The following VBP1 variants were observed in gnomAD, a reference collection of about 807,000 sequenced individuals.
VBP1 encodes VHL binding protein 1.
In VBP1, 4 loss-of-function variants were observed where a neutral mutation model predicts 15.5. That is an observed-to-expected ratio of 0.26 (90% CI 0.13 to 0.59). The LOEUF (loss-of-function observed/expected upper bound fraction) is 0.59, where lower values mean the gene tolerates loss of function less well. Ranked by LOEUF, VBP1 falls within the 20% of genes least tolerant of loss-of-function variation. The pLI, the probability that VBP1 is intolerant of heterozygous loss-of-function variation, is 0.90. For missense variants in VBP1, 108 were observed against 139.6 expected (o/e 0.77, Z 1.14); for synonymous variants, 61 against 52.1 (o/e 1.17, Z -0.74).
chrX:155,200,993 T>TAACTAG (rs2124032350), intron 1 of VBP1, among the ~76,000 whole-genome samples: 1 of 111,132 alleles, frequency 9.0e-6, no homozygotes, highest in East Asian at 2.8e-4. Context: ...TCTGCGCAAA[T>TAACTAG]AAACTAGAAA....
intron 2 of VBP1, among the ~76,000 whole-genome samples, chrX:155,222,148 G>A (rs1319486127): frequency 8.9e-6 from 1 of 112,594 alleles, no homozygotes; most frequent in Non-Finnish European, 1.9e-5. Flanking sequence ...TAAAGCCATT[G>A]GATTTGAGAT....
chrX:155,224,203 G>C (rs1192762867), intron 2 of VBP1, among the ~76,000 whole-genome samples: 2 of 112,864 alleles, frequency 1.8e-5, no homozygotes, highest in Admixed American at 9.3e-5. Context: ...ATGGGGTGGC[G>C]GCCGGGCAGA....
chrX:155,233,988 A>G (rs2074758657), intron 4 of VBP1, among the ~76,000 whole-genome samples: 1 of 110,984 alleles, frequency 9.0e-6, no homozygotes, highest in African/African-American at 3.3e-5. Context: ...AGTAGGATAT[A>G]GCTAACCTGC....
intron 2 of VBP1, among the ~76,000 whole-genome samples, chrX:155,222,252 G>A (rs1469696235): frequency 8.9e-6 from 1 of 112,553 alleles, no homozygotes; most frequent in Non-Finnish European, 1.9e-5. Flanking sequence ...GGGAGGCCAA[G>A]GTGGGCGGAT....
At chrX:155,224,207 G>A (rs781997256) in intron 2 of VBP1, among the ~76,000 whole-genome samples, 1,459 of 112,354 alleles carry the variant, frequency 0.013, 38 homozygotes, top group African/African-American at 0.045. Context: ...GGTGGCGGCC[G>A]GGCAGAGGCT....
chrX:155,228,536 G>T (rs1490620707), intron 4 of VBP1, 54 bp downstream of exon 4: 1 of 989,051 alleles, frequency 1.0e-6, no homozygotes, highest in African/African-American at 1.9e-5. Context: ...TGTGTTTTCT[G>T]TAGCAAACAC....
chrX:155,220,451 G>A, intron 2 of VBP1, 144 bp downstream of exon 2: 1 of 451,366 alleles, frequency 2.2e-6, no homozygotes, highest in Non-Finnish European at 3.4e-6. Context: ...ATTCCCACCA[G>A]CAACGTACAA....
rs782572600 is a variant in VBP1 at position 155,223,353 on chromosome X, C to A, written c.218+3046C>A. Among the ~76,000 whole-genome samples, 39 of 108,307 alleles carry A rather than the reference C, an allele frequency of 3.6e-4. No homozygotes were observed. In the South Asian group the frequency reaches 0.016, roughly 44 times the overall value. 94.1% of individuals were successfully genotyped at this position (108,307 alleles called of 115,157 possible). A position where few individuals can be genotyped will look rare whatever the true frequency, so the allele number is the denominator to read the frequency against. ...AGGCAGAGGGCCCTGCCGCCTTCCGCAGTGTTTGTGTCCCTGGGTACTTGA... is the reference window on the plus strand; with the variant it reads ...AGGCAGAGGGCCCTGCCGCCTTCCGAAGTGTTTGTGTCCCTGGGTACTTGA... On this transcript the variant is annotated intron_variant, in intron 2 of 5. Coordinates refer to ENST00000286428, the MANE Select transcript of VBP1 (RefSeq NM_003372.7).
chrX:155,198,514 T>A (rs1236635714), intron 1 of VBP1, among the ~76,000 whole-genome samples: 6 of 111,682 alleles, frequency 5.4e-5, no homozygotes, highest in African/African-American at 1.9e-4. Context: ...GGAGTGGACC[T>A]CTAGCAAACT....
intron 1 of VBP1, among the ~76,000 whole-genome samples, chrX:155,219,064 A>G (rs2074677535): frequency 8.9e-6 from 1 of 111,994 alleles, no homozygotes; most frequent in African/African-American, 3.2e-5. Context: ...TCACCTTTTC[A>G]ATTTCCTTTA....
chrX:155,216,625 C>G, intron 1 of VBP1, 50 bp downstream of exon 1: 1 of 1,159,268 alleles, frequency 8.6e-7, no homozygotes, highest in Middle Eastern at 2.4e-4. Flanking sequence ...CTTGGACTGC[C>G]CCTTTCTTCC....
upstream of VBP1, among the ~76,000 whole-genome samples, chrX:155,215,804 G>C (rs1474744726): frequency 8.9e-6 from 1 of 112,205 alleles, no homozygotes; most frequent in Non-Finnish European, 1.9e-5. Context: ...CATTGGGTAA[G>C]TCCATGGGCC....
chrX:155,204,221 C>T (rs1285758237), intron 1 of VBP1, among the ~76,000 whole-genome samples: 1 of 111,006 alleles, frequency 9.0e-6, no homozygotes, highest in Non-Finnish European at 1.9e-5. Flanking sequence ...GGCACGATGT[C>T]GGTTCACTGC....
intron 1 of VBP1, among the ~76,000 whole-genome samples, chrX:155,203,203 G>A (rs1415938381): frequency 1.8e-5 from 2 of 111,124 alleles, no homozygotes; most frequent in Non-Finnish European, 3.8e-5. Flanking sequence ...TCAGTGTGGC[G>A]ATTCCTCAGG....
chrX:155,235,957 CT>C (rs1433507172), intron 4 of VBP1, among the ~76,000 whole-genome samples: 1 of 112,218 alleles, frequency 8.9e-6, no homozygotes, highest in Non-Finnish European at 1.9e-5. Context: ...TAAATATATT[CT>C]TTAACCAAGG....
chrX:155,199,583 T>A (rs1374084536), intron 1 of VBP1, among the ~76,000 whole-genome samples: 1 of 111,693 alleles, frequency 9.0e-6, no homozygotes, highest in South Asian at 3.8e-4. Flanking sequence ...CCACCAGGCC[T>A]GCCCTAAAAG....
chrX:155,216,504 T>G lies in VBP1; in HGVS notation c.22T>G (p.Cys8Gly). 8.5e-7 allele frequency: 1 copy of G among 1,170,582 alleles called. No individual in the cohort carries two copies. The highest frequency in any genetic ancestry group is 1.1e-6 in the Non-Finnish European group (1 of 874,151). MAAVKDS[C>G]GKGEMATGNG... ...CAAGATGGCGGCCGTTAAGGACAGT[T>G]GTGGCAAAGGAGAAATGGCCACAGG... Residue 8 changes from cysteine (C) to glycine (G), a missense_variant, in exon 1 of 6, where the codon TGT (cysteine) becomes GGT (glycine). Transcript: ENST00000286428.
At chrX:155,212,057 A>G (rs2074646909), upstream of VBP1, among the ~76,000 whole-genome samples, 1 of 112,203 alleles carries the variant, frequency 8.9e-6, no homozygotes, top group Non-Finnish European at 1.9e-5. Context: ...TTATTTTACA[A>G]TGGAGAAAAC....
At chrX:155,200,864 A>G (rs1180940982) in intron 1 of VBP1, among the ~76,000 whole-genome samples, 1 of 110,774 alleles carries the variant, frequency 9.0e-6, no homozygotes, top group Non-Finnish European at 1.9e-5. Flanking sequence ...GACCGCTAGC[A>G]AGACTAATAA....
Sources: gnomAD v4.1 joint callset for allele counts (sites outside exome capture counted in the v4.1 genomes callset) on GRCh38, gnomAD v4.1.1 for gene constraint, MANE v1.5 for transcripts, NCBI Gene and HGNC (gene_info 2026-07-23, HGNC 2026-07-21) for gene names.